SDC2: variants seen among roughly 807,000 people sequenced by gnomAD.
SDC2 encodes syndecan 2.
A neutral mutation model predicts 22.2 loss-of-function variants in SDC2; 13 were observed. That is an observed-to-expected ratio of 0.59 (90% CI 0.38 to 0.93). SDC2 has a LOEUF of 0.93. Among genes scored for constraint, SDC2 ranks in the 40% least tolerant of loss-of-function variants. SDC2 has a pLI of 0.00. For synonymous variants in SDC2, 94 were observed against 92.8 expected (o/e 1.01, Z -0.07); for missense variants, 235 against 246.8 (o/e 0.95, Z 0.32).
intron 1 of SDC2, among the ~76,000 whole-genome samples, chr8:96,574,209 C>T (rs1228557264): frequency 6.6e-6 from 1 of 152,064 alleles, no homozygotes; most frequent in Non-Finnish European, 1.5e-5. Context: ...AAGTCTCTAG[C>T]CTTTCTAAGG....
intron 1 of SDC2, among the ~76,000 whole-genome samples, chr8:96,526,655 C>G (rs1813583300): frequency 6.7e-6 from 1 of 150,232 alleles, no homozygotes. Flanking sequence ...TGAAAAGAGG[C>G]CTTTGGTTTT....
At chr8:96,605,674 T>C (rs1586328087) in intron 3 of SDC2, among the ~76,000 whole-genome samples, 1 of 152,212 alleles carries the variant, frequency 6.6e-6, no homozygotes, top group Non-Finnish European at 1.5e-5. Context: ...GAAGTTTAGG[T>C]AGTACAGGGT....
intron 3 of SDC2, among the ~76,000 whole-genome samples, chr8:96,607,929 G>C (rs1455297592): frequency 1.3e-5 from 2 of 152,196 alleles, no homozygotes; most frequent in Non-Finnish European, 2.9e-5. Flanking sequence ...TGTTGTCCTA[G>C]TGCCCTGTGT....
At chr8:96,494,456 G>T (rs1410604566) in intron 1 of SDC2, 125 bp downstream of exon 1, 3 of 844,554 alleles carry the variant, frequency 3.6e-6, no homozygotes, top group Non-Finnish European at 5.3e-6. Context: ...CCGGAGATCC[G>T]CTGGGACAAA....
At chr8:96,552,773 T>G (rs1814047683) in intron 1 of SDC2, among the ~76,000 whole-genome samples, 1 of 152,228 alleles carries the variant, frequency 6.6e-6, no homozygotes, top group Admixed American at 6.5e-5. Context: ...ACTTTAAAAT[T>G]GTTGAGTGTA....
chr8:96,505,345 C>T (rs1813222901), intron 1 of SDC2, among the ~76,000 whole-genome samples: 2 of 152,034 alleles, frequency 1.3e-5, no homozygotes, highest in African/African-American at 4.8e-5. Flanking sequence ...GCTCTGTCGC[C>T]CAGGCTGGAG....
intron 1 of SDC2, among the ~76,000 whole-genome samples, chr8:96,501,337 C>T (rs1191562468): frequency 2.7e-5 from 3 of 111,480 alleles, no homozygotes; most frequent in Non-Finnish European, 3.4e-5. Flanking sequence ...GACAGAGTCT[C>T]ACTCCGTCGC....
At chr8:96,573,270 A>G (rs1286741675) in intron 1 of SDC2, among the ~76,000 whole-genome samples, 1 of 6,856 alleles carries the variant, frequency 1.5e-4, no homozygotes, top group Non-Finnish European at 5.4e-4. Context: ...TGACTTCAGG[A>G]TGGATGCTCT....
At chr8:96,519,924 G>A (rs1813470281) in intron 1 of SDC2, among the ~76,000 whole-genome samples, 1 of 152,246 alleles carries the variant, frequency 6.6e-6, no homozygotes, top group Admixed American at 6.5e-5. Context: ...CACCACGCTC[G>A]GCGTTAGAAG....
intron 1 of SDC2, chr8:96,529,330 G>A (rs1355204483): frequency 1.3e-5 from 2 of 152,124 alleles, no homozygotes; most frequent in Admixed American, 6.5e-5. Flanking sequence ...ATTATCTCTG[G>A]TGATTGACTT....
chr8:96,593,396 TG>T, intron 1 of SDC2, 83 bp from the exon 2 acceptor site: 1 of 862,506 alleles, frequency 1.2e-6, no homozygotes, highest in Non-Finnish European at 1.9e-6. Context: ...GGGTAGTCAC[TG>T]CAGTATGTAC....
chr8:96,494,221 G>T lies in SDC2; in HGVS notation c.-51G>T. 1.3e-6 allele frequency: 2 copies of T among 1,529,978 alleles called. No homozygotes were observed. The highest frequency in any genetic ancestry group is 2.5e-5 in the East Asian group (1 of 40,728). The allele number at this position is 1,529,978 out of a possible 1,614,324, so 94.8% of individuals were successfully genotyped here. ...CGCCGAGCGCTGGGCAGGAGGCTTC[G>T]TTTTGCCCTGGTTGCAAGCAGCGGC... is the stretch of plus-strand genomic sequence containing the variant. On this transcript the variant is annotated 5_prime_UTR_variant, in exon 1 of 5. Transcript: ENST00000302190.
intron 1 of SDC2, among the ~76,000 whole-genome samples, chr8:96,583,538 A>T (rs1814629237): frequency 6.6e-6 from 1 of 151,432 alleles, no homozygotes; most frequent in Admixed American, 6.6e-5. Flanking sequence ...CTGTGCTTTC[A>T]GCAACATTAT....
At chr8:96,514,962 T>C (rs1313401761) in intron 1 of SDC2, among the ~76,000 whole-genome samples, 2 of 152,152 alleles carry the variant, frequency 1.3e-5, no homozygotes. Context: ...TCCCTCTTGA[T>C]TTTTCCTGTG....
chr8:96,528,680 T>G (rs1468885691), intron 1 of SDC2, among the ~76,000 whole-genome samples: 2 of 152,250 alleles, frequency 1.3e-5, no homozygotes, highest in Admixed American at 6.5e-5. Context: ...AAACAACCTT[T>G]TAGTCTTTGG....
intron 1 of SDC2, among the ~76,000 whole-genome samples, chr8:96,522,117 T>C (rs1167642526): frequency 6.6e-6 from 1 of 152,204 alleles, no homozygotes; most frequent in East Asian, 1.9e-4. Flanking sequence ...TATAGTGGAA[T>C]GTCTTTGTTT....
chr8:96,587,564 A>G (rs761967995), intron 1 of SDC2, among the ~76,000 whole-genome samples: 10 of 152,194 alleles, frequency 6.6e-5, no homozygotes, highest in Non-Finnish European at 1.3e-4. Flanking sequence ...GTTACTAAAA[A>G]TTAATGAATG....
chr8:96,543,606 T>C (rs1270075436), intron 1 of SDC2, among the ~76,000 whole-genome samples: 2 of 152,184 alleles, frequency 1.3e-5, no homozygotes, highest in African/African-American at 4.8e-5. Context: ...TTTAAATCAA[T>C]GGAAAGTCTA....
rs537468693 is a variant in SDC2, at chr8:96,572,412, G to A, written c.61-21068G>A. Among the ~76,000 whole-genome samples, 6 of 152,184 alleles carry A rather than the reference G, an allele frequency of 3.9e-5. No individual in the cohort carries two copies. The East Asian group carries it at 1.2e-3, about 29-fold the overall frequency. ...CACTGGTCTTTTGTGGAGGAGTTCTGTGCCACATTTGAACTCCCCAGTCAA... is the reference window on the plus strand; with the variant it reads ...CACTGGTCTTTTGTGGAGGAGTTCTATGCCACATTTGAACTCCCCAGTCAA... On this transcript the variant is annotated intron_variant, in intron 1 of 4. Transcript: ENST00000302190.
Sources: allele counts gnomAD v4.1 joint callset (sites outside exome capture counted in the v4.1 genomes callset), GRCh38; gene constraint gnomAD v4.1.1; transcripts MANE v1.5; gene names NCBI Gene and HGNC (gene_info 2026-07-23, HGNC 2026-07-21).